POR: variants seen among roughly 807,000 people sequenced by gnomAD.
POR encodes the protein NADPH--cytochrome P450 reductase.
A neutral mutation model predicts 84.0 loss-of-function variants in POR; 56 were observed. The observed-to-expected ratio is 0.67, with a 90% CI of 0.54 to 0.83. The LOEUF is 0.83. POR is among the 40% of genes least tolerant of loss of function. The pLI, the probability that POR is intolerant of heterozygous loss-of-function variation, is 0.00. For synonymous variants in POR, 414 were observed against 400.5 expected (o/e 1.03, Z -0.40); for missense variants, 938 against 944.3 (o/e 0.99, Z 0.09).
intron 2 of POR, among the ~76,000 whole-genome samples, chr7:75,965,544 A>G (rs1788141102): frequency 6.6e-6 from 1 of 151,764 alleles, no homozygotes; most frequent in Non-Finnish European, 1.5e-5. Context: ...ACACAATAGC[A>G]GAGCCACTTT....
At position 75,983,762 on chromosome 7, in the gene POR, T is replaced by C; in HGVS notation, c.972T>C (p.Ala324=). 1 of 1,612,390 alleles carries C rather than the reference T, an allele frequency of 6.2e-7. No homozygotes were observed. Among genetic ancestry groups the C allele is most frequent in the Non-Finnish European group, 8.5e-7 (1 of 1,179,700 alleles). Residue 324 remains alanine (A), a synonymous_variant, in exon 10 of 16, where the codon GCT becomes GCC. Transcript: ENST00000461988. ...GGTATGAATCTGGGGACCACGTGGC[T>C]GTGTACCCAGCCAACGACTCTGCTC... is the stretch of plus-strand genomic sequence containing the variant.
chr7:75,986,588 A>T lies in POR; in HGVS notation c.*107A>T. 1 of 1,390,678 alleles carries T rather than the reference A, an allele frequency of 7.2e-7. No homozygotes were observed. The highest frequency in any genetic ancestry group is 9.7e-7 in the Non-Finnish European group (1 of 1,030,930). The allele number at this position is 1,390,678 out of a possible 1,614,324, so 86.1% of individuals were successfully genotyped here. On this transcript the variant is annotated 3_prime_UTR_variant, in exon 16 of 16. Transcript: ENST00000461988. ...TTTGGCTTGGCCTTGGCATGGGCGC[A>T]GGCCCAGTGACAAAGACTCCTCTGG...
In POR at chr7:75,946,801, C is replaced by T. The variant is rs922608125; in HGVS notation, c.-4-7188C>T. On this transcript the variant is annotated intron_variant, in intron 1 of 15. Coordinates refer to ENST00000461988, the MANE Select transcript of POR (RefSeq NM_000941.3). Reference sequence around the variant, plus strand: ...AAAGAAGAAACTCAGAGATTAAAGACTCTTTCAGGGCAGAAGGCTCACACA... The same window carrying T: ...AAAGAAGAAACTCAGAGATTAAAGATTCTTTCAGGGCAGAAGGCTCACACA... 8.5e-5 allele frequency: 13 copies of T among 152,352 alleles called. No homozygotes were observed. In the East Asian group the frequency reaches 2.1e-3, roughly 25 times the overall value. 9.4% of individuals were successfully genotyped at this position (152,352 alleles called of 1,614,324 possible). A position where few individuals can be genotyped will look rare whatever the true frequency, so the allele number is the denominator to read the frequency against.
chr7:75,962,148 T>C (rs1787969569), intron 2 of POR, among the ~76,000 whole-genome samples: 1 of 152,254 alleles, frequency 6.6e-6, no homozygotes, highest in Non-Finnish European at 1.5e-5. Context: ...AGTTCCCTGA[T>C]TGACTGATGT....
chr7:75,922,279 A>G (rs1331223735), intron 1 of POR, among the ~76,000 whole-genome samples: 2 of 145,456 alleles, frequency 1.4e-5, no homozygotes, highest in Non-Finnish European at 3.0e-5. Flanking sequence ...TCTCCTGCAT[A>G]TTGACTGAGC....
intron 2 of POR, chr7:75,968,188 G>A (rs1788269601): frequency 1.3e-5 from 6 of 462,814 alleles, no homozygotes; most frequent in Non-Finnish European, 1.8e-5. Flanking sequence ...GCCAGGGGAC[G>A]CCTGCACCCT....
chr7:75,958,036 T>G (rs1233264042), intron 2 of POR, among the ~76,000 whole-genome samples: 1 of 152,230 alleles, frequency 6.6e-6, no homozygotes, highest in African/African-American at 2.4e-5. Flanking sequence ...CATAAGGCTG[T>G]GAAAACTGAG....
At chr7:75,983,276 G>A (rs1309778258) in intron 8 of POR, 1 of 443,788 alleles carries the variant, frequency 2.3e-6, no homozygotes, top group Non-Finnish European at 4.0e-6. Context: ...GGGAGGCAGA[G>A]GTTGCAGTGA....
rs201672756 is a variant in POR at position 75,928,550 on chromosome 7, G to GC, written c.-5+13374dup. The stretch of plus-strand genomic sequence containing the variant: ...CAGCAATCTTCTTCCCATCAGGACG[G>GC]CCCGGAAGTTGAACATTGAGATGGT... On this transcript the variant is annotated intron_variant, in intron 1 of 15. Transcript: ENST00000461988. Among the ~76,000 whole-genome samples, 1,437 of 152,316 alleles carry GC rather than the reference G, an allele frequency of 9.4e-3. 25 individuals carry two copies. The highest frequency in any genetic ancestry group is 0.03 in the African/African-American group (1,252 of 41,566).
chr7:75,985,132 G>T lies in POR; in HGVS notation c.1323G>T (p.Arg441=). 1 of 1,599,994 alleles carries T rather than the reference G, an allele frequency of 6.3e-7. No individual in the cohort carries two copies. ...TCCTGCAGGACTGCCCGTCCCTGCG[G>T]CCCCCCATCGACCACCTGTGTGAGC... The change falls in exon 12 of 16, where the codon CGG becomes CGT. Residue 441 remains arginine, a synonymous_variant. Coordinates refer to ENST00000461988, the MANE Select transcript of POR (RefSeq NM_000941.3).
intron 1 of POR, among the ~76,000 whole-genome samples, chr7:75,931,647 G>A (rs1807426982): frequency 6.6e-6 from 1 of 152,042 alleles, no homozygotes; most frequent in African/African-American, 2.4e-5. Flanking sequence ...GGGATTACAG[G>A]TGTGAGCCTC....
chr7:75,936,771 A>G (rs1213540267), intron 1 of POR, among the ~76,000 whole-genome samples: 1 of 151,346 alleles, frequency 6.6e-6, no homozygotes, highest in African/African-American at 2.4e-5. Flanking sequence ...ATCTGCCCAG[A>G]TTTGAGAAAA....
At chr7:75,967,928 G>A (rs781791397) in intron 2 of POR, 4 of 409,710 alleles carry the variant, frequency 9.8e-6, no homozygotes, top group Non-Finnish European at 2.0e-5. Context: ...GTGTCCAGGA[G>A]CACTTTGAGG....
chr7:75,917,383 CTTTT>C (rs373478392), intron 1 of POR, among the ~76,000 whole-genome samples: 1 of 115,260 alleles, frequency 8.7e-6, no homozygotes, highest in Non-Finnish European at 1.6e-5. Flanking sequence ...ATTTCTTCTT[CTTTT>C]TTTTTTTTTT....
chr7:75,933,376 GTTTTTTTTTTTT>G (rs200575911), intron 1 of POR, among the ~76,000 whole-genome samples: 15 of 92,112 alleles, frequency 1.6e-4, no homozygotes, highest in East Asian at 3.1e-4. Flanking sequence ...ATAGGTCTTT[GTTTTTTTTTTTT>G]TTTTTTTTTT....
At chr7:75,976,022 G>A (rs768386522) in intron 3 of POR, among the ~76,000 whole-genome samples, 39 of 151,798 alleles carry the variant, frequency 2.6e-4, no homozygotes, top group Non-Finnish European at 5.0e-4. Flanking sequence ...TTTGTGGGTC[G>A]AGACTCCCTG....
Position 75,984,996 on chromosome 7 carries a change from C to T in POR, c.1248+38C>T, listed in dbSNP as rs1446515501. The stretch of plus-strand genomic sequence containing the variant: ...AGCCCCCGCAACCTCCGCCCCGTCA[C>T]CCCGCCGTTTTCCGAGCTCCGTGGG... On this transcript the variant is annotated intron_variant, in intron 11 of 15. Transcript: ENST00000461988. 8 of 1,577,690 alleles carry T rather than the reference C, an allele frequency of 5.1e-6. No individual in the cohort carries two copies. The Admixed American group carries it at 8.5e-5, about 17-fold the overall frequency.
intron 2 of POR, among the ~76,000 whole-genome samples, chr7:75,965,575 A>G (rs1362437626): frequency 1.3e-5 from 2 of 151,650 alleles, no homozygotes; most frequent in Non-Finnish European, 2.9e-5. Context: ...AGATGATCTT[A>G]CTGTCTGAGG....
chr7:75,932,151 C>T (rs1807450160), intron 1 of POR, among the ~76,000 whole-genome samples: 2 of 151,454 alleles, frequency 1.3e-5, no homozygotes, highest in South Asian at 4.2e-4. Context: ...CCCTTTGATT[C>T]AGAAATATTT....
Sources: gnomAD v4.1 joint callset for allele counts (sites outside exome capture counted in the v4.1 genomes callset) on GRCh38, gnomAD v4.1.1 for gene constraint, MANE v1.5 for transcripts, NCBI Gene and HGNC (gene_info 2026-07-23, HGNC 2026-07-21) for gene names.